Variants in ITPR2 observed in about 807,000 individuals in gnomAD.
ITPR2 encodes inositol 1,4,5-trisphosphate receptor type 2, also known as inositol 1,4,5-trisphosphate-gated calcium channel ITPR2.
In ITPR2, 207 loss-of-function variants were observed where a neutral mutation model predicts 317.1. That is an observed-to-expected ratio of 0.65 (90% confidence interval 0.58 to 0.73). ITPR2 has a LOEUF of 0.73. Among genes scored for constraint, ITPR2 ranks in the 30% least tolerant of loss-of-function variants. The pLI, the probability that ITPR2 is intolerant of heterozygous loss-of-function variation, is 0.00. For synonymous variants in ITPR2, 1,156 were observed against 1,149.1 expected (o/e 1.01, Z -0.12); for missense variants, 2,613 against 3,284.0 (o/e 0.80, Z 4.99).
At chr12:26,763,197 A>G (rs796077585) in intron 2 of ITPR2, among the ~76,000 whole-genome samples, 8 of 152,218 alleles carry the variant, frequency 5.3e-5, no homozygotes, top group African/African-American at 1.9e-4. Flanking sequence ...TCAATTCATA[A>G]TGTATACATA....
At chr12:26,574,508 T>C (rs1945231632) in intron 34 of ITPR2, among the ~76,000 whole-genome samples, 1 of 152,156 alleles carries the variant, frequency 6.6e-6, no homozygotes, top group South Asian at 2.1e-4. Context: ...TAATTTCTTT[T>C]TGACAGCTGC....
chr12:26,691,948 C>T (rs774524254), intron 10 of ITPR2, among the ~76,000 whole-genome samples: 3 of 151,984 alleles, frequency 2.0e-5, no homozygotes, highest in South Asian at 2.1e-4. Context: ...CTTCTCTTGC[C>T]GAGGTTCCTT....
intron 9 of ITPR2, among the ~76,000 whole-genome samples, chr12:26,709,412 T>C (rs1241905869): frequency 6.6e-6 from 1 of 152,216 alleles, no homozygotes; most frequent in African/African-American, 2.4e-5. Flanking sequence ...CTGCATTCTC[T>C]AGAGACAGGA....
intron 23 of ITPR2, among the ~76,000 whole-genome samples, 155 bp from the exon 24 acceptor site, chr12:26,624,511 C>T (rs1946575087): frequency 1.3e-5 from 2 of 152,030 alleles, no homozygotes; most frequent in South Asian, 4.1e-4. Context: ...TTAAAATGGG[C>T]AAAAGATCTG....
intron 18 of ITPR2, among the ~76,000 whole-genome samples, chr12:26,657,396 C>A (rs1263489470): frequency 6.6e-6 from 1 of 152,224 alleles, no homozygotes; most frequent in African/African-American, 2.4e-5. Flanking sequence ...TCCCTCTCAA[C>A]TCCATCACCT....
chr12:26,818,957 A>G (rs1950899736), intron 1 of ITPR2, among the ~76,000 whole-genome samples: 1 of 152,082 alleles, frequency 6.6e-6, no homozygotes, highest in African/African-American at 2.4e-5. Context: ...CTTTATTGGT[A>G]TGATATACTT....
At chr12:26,759,493 T>C (rs1225962408) in intron 2 of ITPR2, among the ~76,000 whole-genome samples, 2 of 152,234 alleles carry the variant, frequency 1.3e-5, no homozygotes, top group Non-Finnish European at 2.9e-5. Context: ...GTCATCCTGT[T>C]GTAAATTATA....
chr12:26,768,252 T>C (rs909225028), intron 2 of ITPR2, among the ~76,000 whole-genome samples: 2 of 104,510 alleles, frequency 1.9e-5, no homozygotes, highest in Admixed American at 2.3e-4. Context: ...TATCACACTC[T>C]GGGGACGGTG....
intron 37 of ITPR2, among the ~76,000 whole-genome samples, chr12:26,507,791 A>G (rs1943224318): frequency 6.6e-6 from 1 of 151,964 alleles, no homozygotes; most frequent in Non-Finnish European, 1.5e-5. Context: ...CAGGTTGCTG[A>G]TGCTGATCTA....
intron 2 of ITPR2, among the ~76,000 whole-genome samples, chr12:26,745,816 T>C (rs540087880): frequency 4.6e-5 from 7 of 152,274 alleles, no homozygotes; most frequent in East Asian, 3.9e-4. Context: ...TTTAGTCCCA[T>C]GATTGAGCAC....
At chr12:26,339,874 C>G (rs567014938) in intron 56 of ITPR2, among the ~76,000 whole-genome samples, 45 of 152,262 alleles carry the variant, frequency 3.0e-4, no homozygotes, top group Admixed American at 1.4e-3. Context: ...TTAGTAATTA[C>G]TATCATGGCA....
chr12:26,482,035 G>C (rs1942554907), intron 42 of ITPR2, among the ~76,000 whole-genome samples: 1 of 152,114 alleles, frequency 6.6e-6, no homozygotes, highest in Non-Finnish European at 1.5e-5. Context: ...CTTGTCAAGA[G>C]GTATGAAAAA....
At chr12:26,570,147 G>A (rs1013578410) in intron 34 of ITPR2, among the ~76,000 whole-genome samples, 16 of 152,130 alleles carry the variant, frequency 1.1e-4, no homozygotes, top group African/African-American at 3.9e-4. Context: ...TTTATAACAG[G>A]TAGGGGACTT....
intron 13 of ITPR2, among the ~76,000 whole-genome samples, chr12:26,670,599 A>G (rs976995015): frequency 1.3e-5 from 2 of 152,150 alleles, no homozygotes; most frequent in African/African-American, 4.8e-5. Context: ...AAAGATGGGG[A>G]AAAAACAGAG....
chr12:26,489,572 G>GT (rs1455793501), intron 39 of ITPR2, among the ~76,000 whole-genome samples: 1 of 152,186 alleles, frequency 6.6e-6, no homozygotes, highest in African/African-American at 2.4e-5. Context: ...CTCACAGGTT[G>GT]TTTGAATATT....
At chr12:26,624,149 T>C (rs184793137) in intron 24 of ITPR2, 150 bp downstream of exon 24, 44 of 574,888 alleles carry the variant, frequency 7.7e-5, no homozygotes, top group Admixed American at 6.3e-4. Context: ...CAGAGTAAAT[T>C]AGCAGCTTCA....
chr12:26,556,792 A>T (rs57628248), intron 35 of ITPR2, among the ~76,000 whole-genome samples: 77,632 of 145,764 alleles, frequency 0.53, 21,301 homozygotes, highest in East Asian at 0.68. Context: ...AAAAAAAAAA[A>T]TTCCAGCCAG....
chr12:26,484,244 G>A lies in ITPR2; in HGVS notation c.5812-346C>T, dbSNP rs558198909. Among the ~76,000 whole-genome samples, 124 of 150,814 alleles carry A rather than the reference G, an allele frequency of 8.2e-4. 2 individuals are homozygous for A. Among genetic ancestry groups the A allele is most frequent in the Admixed American group, 7.2e-3 (109 of 15,136 alleles). ...CATTATCATCAAACTACACAGAGAG[G>A]GAAAGAGTAATGGGAAGTCGGAAAA... On this transcript the variant is annotated intron_variant, in intron 41 of 56. Coordinates refer to ENST00000381340, the MANE Select transcript of ITPR2 (RefSeq NM_002223.4).
intron 37 of ITPR2, among the ~76,000 whole-genome samples, chr12:26,510,128 C>A (rs1174243992): frequency 6.6e-6 from 1 of 151,956 alleles, no homozygotes; most frequent in Non-Finnish European, 1.5e-5. Flanking sequence ...AGCTTTATAG[C>A]AAACCTCAAG....
Sources: gnomAD v4.1 joint callset for allele counts (sites outside exome capture counted in the v4.1 genomes callset) on GRCh38, gnomAD v4.1.1 for gene constraint, MANE v1.5 for transcripts, NCBI Gene and HGNC (gene_info 2026-07-23, HGNC 2026-07-21) for gene names.